Variants in CUL3 observed in about 807,000 individuals in gnomAD.
CUL3 encodes cullin-3.
CUL3 carries 19 observed loss-of-function variants against 89.1 expected under a neutral mutation model. The ratio of observed to expected loss-of-function variants is 0.21; its 90% CI spans 0.15 to 0.31. The LOEUF is 0.31. CUL3 is among the 10% of genes least tolerant of loss of function. The pLI is 1.00. For missense variants in CUL3, 469 were observed against 942.3 expected, an observed-to-expected ratio of 0.50 and a Z score of 6.58; for synonymous variants, 351 against 308.4, an observed-to-expected ratio of 1.14 and a Z score of -1.45.
At chr2:224,573,180 T>C (rs1312208707) in intron 1 of CUL3, among the ~76,000 whole-genome samples, 1 of 152,240 alleles carries the variant, frequency 6.6e-6, no homozygotes, top group African/African-American at 2.4e-5. Flanking sequence ...ATCTATCTCT[T>C]TAGTATATTC....
intron 1 of CUL3, among the ~76,000 whole-genome samples, chr2:224,582,750 C>A (rs1015111695): frequency 2.6e-5 from 4 of 152,174 alleles, no homozygotes; most frequent in Admixed American, 2.0e-4. Context: ...GAAATTCTCT[C>A]CCACCTCTTC....
At chr2:224,531,172 C>G (rs898304431) in intron 3 of CUL3, among the ~76,000 whole-genome samples, 1 of 149,922 alleles carries the variant, frequency 6.7e-6, no homozygotes, top group Non-Finnish European at 1.5e-5. Context: ...CCTGCAACCT[C>G]TGCCTCCCAA....
At chr2:224,542,142 A>G (rs1694132754) in intron 2 of CUL3, among the ~76,000 whole-genome samples, 1 of 152,230 alleles carries the variant, frequency 6.6e-6, no homozygotes, top group Admixed American at 6.5e-5. Flanking sequence ...TTTATTCATA[A>G]AAGCAATTTT....
At position 224,569,539 on chromosome 2, in the gene CUL3, C is replaced by G. The variant is rs16825685; in HGVS notation, c.67-11683G>C. ...CAATCCAGGATTACAATTTTCCCAT[C>G]AGAAAAGTATCAATAACAAAAATAA... On this transcript the variant is annotated intron_variant, in intron 1 of 15. Coordinates refer to ENST00000264414, the MANE Select transcript of CUL3 (RefSeq NM_003590.5). 0.3 allele frequency: 69,140 copies of G among 233,262 alleles called. 10,525 individuals carry two copies. The highest frequency in any genetic ancestry group is 0.37 in the Middle Eastern group (168 of 454). The allele number at this position is 233,262 out of a possible 1,614,324, so 14.4% of individuals were successfully genotyped here.
In CUL3 at chr2:224,511,441, T is replaced by G. The variant is rs781496398; in HGVS notation, c.796A>C (p.Arg266=). The G allele has an allele frequency of 1.2e-5, 20 of 1,613,838 alleles. No individual in the cohort carries two copies. In the Admixed American group the frequency reaches 3.2e-4, roughly 26 times the overall value. ...TEEPIVKVVE[R]ELISKHMKTI... ...TTCATGTGCTTGGAAATGAGTTCCC[T>G]TTCAACCACCTTTACAATTGGTTCT... The change falls in exon 6 of 16, where the codon AGG becomes CGG. Residue 266 remains arginine, a synonymous_variant. Coordinates refer to ENST00000264414, the MANE Select transcript of CUL3 (RefSeq NM_003590.5).
chr2:224,512,780 T>C (rs1365627432), intron 5 of CUL3, among the ~76,000 whole-genome samples: 2 of 152,252 alleles, frequency 1.3e-5, no homozygotes, highest in Non-Finnish European at 2.9e-5. Context: ...GATGTACTGC[T>C]GTGAATTTAT....
At chr2:224,548,873 C>T (rs553854719) in intron 2 of CUL3, among the ~76,000 whole-genome samples, 1 of 151,970 alleles carries the variant, frequency 6.6e-6, no homozygotes, top group Non-Finnish European at 1.5e-5. Flanking sequence ...CATGGTGGCA[C>T]GTGCCGGTAG....
At chr2:224,514,551 A>G (rs559217086) in intron 4 of CUL3, 61 bp downstream of exon 4, 1 of 1,345,608 alleles carries the variant, frequency 7.4e-7, no homozygotes, top group South Asian at 1.4e-5. Flanking sequence ...TAAGACAGTG[A>G]ATCGTTCTCA....
At chr2:224,508,840 C>T (rs1692702880) in intron 6 of CUL3, among the ~76,000 whole-genome samples, 1 of 151,312 alleles carries the variant, frequency 6.6e-6, no homozygotes, top group South Asian at 2.1e-4. Flanking sequence ...CGGGAGCCTG[C>T]AGTCCCAGCT....
chr2:224,496,925 A>G (rs954297808), intron 12 of CUL3, among the ~76,000 whole-genome samples: 6 of 152,214 alleles, frequency 3.9e-5, no homozygotes, highest in Admixed American at 2.0e-4. Context: ...TGAGTTCTTT[A>G]GTTTCCTTGT....
intron 1 of CUL3, among the ~76,000 whole-genome samples, chr2:224,582,615 T>TTA (rs1289127523): frequency 2.6e-5 from 4 of 152,160 alleles, no homozygotes; most frequent in Non-Finnish European, 5.9e-5. Flanking sequence ...CCTGCAAAAG[T>TTA]TATAGACAGA....
chr2:224,558,396 C>T (rs978631413), intron 1 of CUL3, among the ~76,000 whole-genome samples: 3 of 152,194 alleles, frequency 2.0e-5, no homozygotes, highest in Non-Finnish European at 4.4e-5. Flanking sequence ...ATACCACCTC[C>T]TCCATCCTCA....
chr2:224,487,590 C>A (rs189459371), intron 13 of CUL3, among the ~76,000 whole-genome samples: 2 of 152,156 alleles, frequency 1.3e-5, no homozygotes, highest in Admixed American at 1.3e-4. Flanking sequence ...CACAGGAGCA[C>A]CCAGATTCAT....
At chr2:224,554,426 T>C (rs1011749493) in intron 2 of CUL3, among the ~76,000 whole-genome samples, 1 of 152,218 alleles carries the variant, frequency 6.6e-6, no homozygotes, top group African/African-American at 2.4e-5. Context: ...GTCCATTAAC[T>C]TGAAGCCCCT....
At chr2:224,572,303 C>G (rs1335578671) in intron 1 of CUL3, among the ~76,000 whole-genome samples, 3 of 152,074 alleles carry the variant, frequency 2.0e-5, no homozygotes, top group Non-Finnish European at 1.5e-5. Flanking sequence ...ATGCCTGTGT[C>G]TCCTCCAAAA....
intron 2 of CUL3, among the ~76,000 whole-genome samples, chr2:224,538,179 A>G (rs1693962085): frequency 6.6e-6 from 1 of 152,210 alleles, no homozygotes; most frequent in Non-Finnish European, 1.5e-5. Flanking sequence ...TCATGACTGA[A>G]AGAAGTAAAA....
intron 13 of CUL3, among the ~76,000 whole-genome samples, chr2:224,488,948 C>A (rs1357290099): frequency 6.6e-6 from 1 of 152,174 alleles, no homozygotes; most frequent in African/African-American, 2.4e-5. Flanking sequence ...GGATGCAAGG[C>A]TGGTTCAACA....
At chr2:224,583,199 G>A (rs188764292) in intron 1 of CUL3, among the ~76,000 whole-genome samples, 1 of 152,204 alleles carries the variant, frequency 6.6e-6, no homozygotes, top group East Asian at 1.9e-4. Context: ...CCAACATGGA[G>A]AAACCTCGTC....
chr2:224,499,051 A>G (rs764642984), intron 11 of CUL3, among the ~76,000 whole-genome samples: 9 of 152,212 alleles, frequency 5.9e-5, no homozygotes, highest in Non-Finnish European at 1.3e-4. Flanking sequence ...GATATGGGCT[A>G]TTTAAAAATA....
Sources: gnomAD v4.1 joint callset for allele counts (sites outside exome capture counted in the v4.1 genomes callset) on GRCh38, gnomAD v4.1.1 for gene constraint, MANE v1.5 for transcripts, NCBI Gene and HGNC (gene_info 2026-07-23, HGNC 2026-07-21) for gene names.